ADAM11: variants seen among roughly 807,000 people sequenced by gnomAD.
The protein encoded by ADAM11 is ADAM metallopeptidase domain 11.
Under a neutral mutation model 119.1 loss-of-function variants are expected in ADAM11, and 49 were observed. The ratio of observed to expected loss-of-function variants is 0.41; its 90% CI spans 0.33 to 0.52. The LOEUF (loss-of-function observed/expected upper bound fraction) is 0.52. Ranked by LOEUF, ADAM11 falls within the 20% of genes least tolerant of loss-of-function variation. The pLI is 0.20. For missense variants in ADAM11, 777 were observed against 1,047.5 expected (o/e 0.74, Z 3.56); for synonymous variants, 364 against 408.0 (o/e 0.89, Z 1.30).
Position 44,772,966 on chromosome 17 carries a change from G to C in ADAM11, c.753+35G>C. Reference sequence around the variant, plus strand: ...AGGGCAGGGACAGGGCGTGACACTGGGAGGCCCCTGAGGAGCCTGGCCCTC... The same window carrying C: ...AGGGCAGGGACAGGGCGTGACACTGCGAGGCCCCTGAGGAGCCTGGCCCTC... On this transcript the variant is annotated intron_variant, in intron 9 of 26. Coordinates refer to ENST00000200557, the MANE Select transcript of ADAM11 (RefSeq NM_002390.6). This position sits in a 1 kb window ranked among gnomAD's most constrained non-coding sequence, Gnocchi z 4.5. 2 of 1,614,044 alleles carry C rather than the reference G, an allele frequency of 1.2e-6. No homozygotes were observed. Among genetic ancestry groups the C allele is most frequent in the Non-Finnish European group, 8.5e-7 (1 of 1,179,930 alleles).
chr17:44,762,043 C>T (rs2049395600), intron 2 of ADAM11, among the ~76,000 whole-genome samples: 5 of 152,138 alleles, frequency 3.3e-5, no homozygotes, highest in Admixed American at 1.3e-4. Flanking sequence ...AGGCTGGTCT[C>T]GAACTTCCGA....
At chr17:44,778,110 C>T (rs1209191927) in intron 24 of ADAM11, 42 bp from the exon 25 acceptor site, 2 of 1,611,982 alleles carry the variant, frequency 1.2e-6, no homozygotes, top group Non-Finnish European at 8.5e-7. Context: ...GTCCTGCTCT[C>T]TATGCCTGTC....
chr17:44,769,773 C>T lies in ADAM11; in HGVS notation c.293C>T (p.Thr98Ile). ...FVIPAFNSNF[T>I]LDLELNHHLL... The stretch of plus-strand genomic sequence containing the variant: ...ATCCCAGCCTTCAACTCAAACTTCA[C>T]CCTGGACCTGGAGCTGAACCAGTGA... Residue 98 changes from threonine (T) to isoleucine (I), a missense_variant, in exon 3 of 27, where the codon ACC (threonine) becomes ATC (isoleucine). Transcript: ENST00000200557. 4 of 1,614,144 alleles carry T rather than the reference C, an allele frequency of 2.5e-6. No homozygotes were observed. The highest frequency in any genetic ancestry group is 3.4e-6 in the Non-Finnish European group (4 of 1,179,984).
Position 44,777,111 on chromosome 17 carries a change from G to A in ADAM11, c.1682-55G>A. The A allele has an allele frequency of 1.3e-6, 2 of 1,554,692 alleles. No homozygotes were observed. The highest frequency in any genetic ancestry group is 1.7e-6 in the Non-Finnish European group (2 of 1,146,308). ...CAGAGTGTGGGAGATGCAGGCCTGA[G>A]GTCTTGGGGTGGGTCCTGGGGCGCG... On this transcript the variant is annotated intron_variant, in intron 20 of 26. Transcript: ENST00000200557. This position sits in a 1 kb window ranked among gnomAD's most constrained non-coding sequence, Gnocchi z 5.1.
chr17:44,759,220 G>C lies in ADAM11; in HGVS notation c.21G>C (p.Trp7Cys), dbSNP rs956402183. 23 of 1,438,828 alleles carry C rather than the reference G, an allele frequency of 1.6e-5. No individual in the cohort carries two copies. The highest frequency in any genetic ancestry group is 4.4e-5 in the African/African-American group (3 of 67,510). 89.1% of individuals were successfully genotyped at this position (1,438,828 alleles called of 1,614,324 possible). A position where few individuals can be genotyped will look rare whatever the true frequency, so the allele number is the denominator to read the frequency against. Residue 7 changes from tryptophan (W) to cysteine (C), a missense_variant, in exon 1 of 27, where the codon TGG (tryptophan) becomes TGC (cysteine). Trp to Cys is a radical substitution (Grantham distance 215, BLOSUM62 -2). Around this residue, in one of 4 missense-constraint regions of ADAM11, gnomAD observed 278 missense variants for 310.1 expected, o/e 0.90. Coordinates refer to ENST00000200557, the MANE Select transcript of ADAM11 (RefSeq NM_002390.6). ...GAGCCATGAGGCTGCTGCGGCGCTG[G>C]GCGTTCGCGGCTCTGCTGCTGTCGC... MRLLRR[W>C]AFAALLLSLL...
rs1598883858 is a variant in ADAM11 at position 44,765,618 on chromosome 17, T to C, written c.238-4100T>C. Among the ~76,000 whole-genome samples, 5 of 136,572 alleles carry C rather than the reference T, an allele frequency of 3.7e-5. No homozygotes were observed. In the South Asian group the frequency reaches 9.7e-4, roughly 26 times the overall value. The allele number at this position is 136,572 out of a possible 152,430, so 89.6% of individuals were successfully genotyped here. Reference sequence around the variant, plus strand: ...TTTTTCTTTTCTTTTCTCTTTTTTTTTTTTTTTTTTTTTTTGTAGAGACAG... The same window carrying C: ...TTTTTCTTTTCTTTTCTCTTTTTTTCTTTTTTTTTTTTTTTGTAGAGACAG... On this transcript the variant is annotated intron_variant, in intron 2 of 26. Transcript: ENST00000200557.
rs1567693015 is a variant in ADAM11 at position 44,773,694 on chromosome 17, T to C, written c.992+267T>C. ...TTTCCCCTTTCAAACTGTCCCAGCA[T>C]CCCTTCCTCAGGGACCCAGTGCCCT... On this transcript the variant is annotated intron_variant, in intron 11 of 26. Coordinates refer to ENST00000200557, the MANE Select transcript of ADAM11 (RefSeq NM_002390.6). This position sits in a 1 kb window ranked among gnomAD's most constrained non-coding sequence, Gnocchi z 4.6. Among the ~76,000 whole-genome samples the C allele has an allele frequency of 6.6e-6, 1 of 152,088 alleles. No individual in the cohort carries two copies. The highest frequency in any genetic ancestry group is 1.5e-5 in the Non-Finnish European group (1 of 67,998).
chr17:44,762,409 G>A (rs1331109006), intron 2 of ADAM11, among the ~76,000 whole-genome samples: 1 of 152,182 alleles, frequency 6.6e-6, no homozygotes, highest in East Asian at 1.9e-4. Context: ...TTCTCCCTGG[G>A]GTTAGAGCGC....
intron 2 of ADAM11, 124 bp from the exon 3 acceptor site, chr17:44,769,594 T>C: frequency 1.5e-6 from 1 of 687,490 alleles, no homozygotes; most frequent in East Asian, 2.6e-5. Context: ...CCCAAATCAA[T>C]GGTCCCCTCA....
In ADAM11 at chr17:44,775,732, C is replaced by A; in HGVS notation, c.1485+56C>A. 4 of 1,496,340 alleles carry A rather than the reference C, an allele frequency of 2.7e-6. No individual in the cohort carries two copies. Among genetic ancestry groups the A allele is most frequent in the Non-Finnish European group, 3.6e-6 (4 of 1,111,674 alleles). 92.7% of individuals were successfully genotyped at this position (1,496,340 alleles called of 1,614,324 possible). ...GGACGCAGGAGGAGCGATTGGAGGC[C>A]TTCATATAAGGGGTGGGAGCTAGGG... On this transcript the variant is annotated intron_variant, in intron 17 of 26. Coordinates refer to ENST00000200557, the MANE Select transcript of ADAM11 (RefSeq NM_002390.6). This position sits in a 1 kb window ranked among gnomAD's most constrained non-coding sequence, Gnocchi z 7.5.
chr17:44,777,392 G>A lies in ADAM11; in HGVS notation c.1782-90G>A, dbSNP rs2049618814. ...AATGGGCGGGCACGTGGCAAATGAG[G>A]TGGCAGGGTGCAGGGTGAGGGCAGA... is the stretch of plus-strand genomic sequence containing the variant. On this transcript the variant is annotated intron_variant, in intron 21 of 26. Coordinates refer to ENST00000200557, the MANE Select transcript of ADAM11 (RefSeq NM_002390.6). The surrounding 1 kb of genome is among the most constrained non-coding windows in gnomAD (Gnocchi z 5.1). 1 of 1,534,082 alleles carries A rather than the reference G, an allele frequency of 6.5e-7. No homozygotes were observed. Among genetic ancestry groups the A allele is most frequent in the Admixed American group, 1.7e-5 (1 of 58,718 alleles).
chr17:44,767,375 AAAG>A (rs1191997638), intron 2 of ADAM11, among the ~76,000 whole-genome samples: 1 of 151,466 alleles, frequency 6.6e-6, no homozygotes, highest in Admixed American at 6.6e-5. Flanking sequence ...AAAAAAAAAA[AAAG>A]AACATTGGCC....
chr17:44,773,967 T>C lies in ADAM11; in HGVS notation c.993-328T>C, dbSNP rs751128440. On this transcript the variant is annotated intron_variant, in intron 11 of 26. Coordinates refer to ENST00000200557, the MANE Select transcript of ADAM11 (RefSeq NM_002390.6). The surrounding 1 kb of genome is among the most constrained non-coding windows in gnomAD (Gnocchi z 4.6). ...TTAGCCAGGCGTGGTGGTGTGCACC[T>C]GTAGTCCCAGCTACTCGGGAGGCTG... Among the ~76,000 whole-genome samples, 7 of 152,158 alleles carry C rather than the reference T, an allele frequency of 4.6e-5. No individual in the cohort carries two copies. The highest frequency in any genetic ancestry group is 7.4e-5 in the Non-Finnish European group (5 of 68,024).
rs748571456 is a variant in ADAM11, at chr17:44,772,996, C to G, written c.754-18C>G. ...CCCCTGAGGAGCCTGGCCCTCCTCC[C>G]ATTCTTCTCTCTCCCAGTTCGAGCA... is the stretch of plus-strand genomic sequence containing the variant. On this transcript the variant is annotated intron_variant, in intron 9 of 26. Coordinates refer to ENST00000200557, the MANE Select transcript of ADAM11 (RefSeq NM_002390.6). This position sits in a 1 kb window ranked among gnomAD's most constrained non-coding sequence, Gnocchi z 4.5. The G allele has an allele frequency of 6.2e-7, 1 of 1,614,070 alleles. No individual in the cohort carries two copies. The highest frequency in any genetic ancestry group is 2.2e-5 in the East Asian group (1 of 44,876).
Position 44,774,489 on chromosome 17 carries a change from C to G in ADAM11, c.1078-3C>G. The G allele has an allele frequency of 4.3e-6, 7 of 1,612,632 alleles. No individual in the cohort carries two copies. Among genetic ancestry groups the G allele is most frequent in the Non-Finnish European group, 5.9e-6 (7 of 1,179,538 alleles). On this transcript the variant is annotated splice_polypyrimidine_tract_variant and splice_region_variant and intron_variant, in intron 12 of 26. Coordinates refer to ENST00000200557, the MANE Select transcript of ADAM11 (RefSeq NM_002390.6). The stretch of plus-strand genomic sequence containing the variant: ...ATCTGTGCCCCATCTTCCCCACCCC[C>G]AGTACGGCAACATGGGGGCGATGGC...
intron 13 of ADAM11, 52 bp downstream of exon 13, chr17:44,774,634 G>C (rs1035889293): frequency 1.2e-6 from 2 of 1,601,158 alleles, no homozygotes; most frequent in South Asian, 1.1e-5. Context: ...GCTCTGGAAC[G>C]GGAGGGTGAC....
intron 4 of ADAM11, 75 bp downstream of exon 4, chr17:44,770,123 G>GT: frequency 6.5e-7 from 1 of 1,537,670 alleles, no homozygotes; most frequent in Non-Finnish European, 8.9e-7. Context: ...GGTCACAGGT[G>GT]TAGGGACAGG....
chr17:44,776,733 C>T lies in ADAM11; in HGVS notation c.1567-12C>T. On this transcript the variant is annotated splice_polypyrimidine_tract_variant and intron_variant, in intron 18 of 26. Transcript: ENST00000200557. The surrounding 1 kb of genome is among the most constrained non-coding windows in gnomAD (Gnocchi z 5.2). Reference sequence around the variant, plus strand: ...GGGACTGCTCCGCTCAACCCCACCCCTCTCTCCACAGTGCCCGCCTAACCT... The same window carrying T: ...GGGACTGCTCCGCTCAACCCCACCCTTCTCTCCACAGTGCCCGCCTAACCT... 2 of 1,614,002 alleles carry T rather than the reference C, an allele frequency of 1.2e-6. No homozygotes were observed. Among genetic ancestry groups the T allele is most frequent in the South Asian group, 1.1e-5 (1 of 91,068 alleles).
Position 44,772,205 on chromosome 17 carries a change from C to T in ADAM11, c.544-62C>T, listed in dbSNP as rs867464956. Reference sequence around the variant, plus strand: ...GGAGGCGAGGGCTGGATCTGGCCCCCGCCAAGTGGGCCTGGAGCAGGCCCA... The same window carrying T: ...GGAGGCGAGGGCTGGATCTGGCCCCTGCCAAGTGGGCCTGGAGCAGGCCCA... On this transcript the variant is annotated intron_variant, in intron 6 of 26. Transcript: ENST00000200557. The surrounding 1 kb of genome is among the most constrained non-coding windows in gnomAD (Gnocchi z 4.5). 2.0e-5 allele frequency: 30 copies of T among 1,496,096 alleles called. No individual in the cohort carries two copies. In the Middle Eastern group the frequency reaches 2.4e-3, roughly 122 times the overall value. The allele number at this position is 1,496,096 out of a possible 1,614,324, so 92.7% of individuals were successfully genotyped here.
Sources: gnomAD v4.1 joint callset for allele counts (sites outside exome capture counted in the v4.1 genomes callset) on GRCh38, gnomAD v4.1.1 for gene constraint, gnomAD v4.1.1 regional missense constraint, Gnocchi (gnomAD v3.1) non-coding constraint, MANE v1.5 for transcripts, NCBI Gene and HGNC (gene_info 2026-07-23, HGNC 2026-07-21) for gene names.